USP7: variants seen among roughly 807,000 people sequenced by gnomAD.
The protein encoded by USP7 is ubiquitin C-terminal hydrolase 7.
In USP7, 9 loss-of-function variants were observed where a neutral mutation model predicts 162.9. The ratio of observed to expected loss-of-function variants is 0.06; its 90% confidence interval spans 0.03 to 0.10. The LOEUF (loss-of-function observed/expected upper bound fraction) is 0.10, where lower values mean the gene tolerates loss of function less well. USP7 is among the 10% of genes least tolerant of loss of function. The pLI, the probability that USP7 is intolerant of heterozygous loss-of-function variation, is 1.00. For missense variants in USP7, 715 were observed against 1,373.7 expected, an observed-to-expected ratio of 0.52 and a Z score of 7.58; for synonymous variants, 562 against 475.9, an observed-to-expected ratio of 1.18 and a Z score of -2.35.
chr16:8,918,809 A>G (rs1458969141), intron 6 of USP7, among the ~76,000 whole-genome samples: 2 of 152,136 alleles, frequency 1.3e-5, no homozygotes, highest in Non-Finnish European at 2.9e-5. Flanking sequence ...ACTCCATCTC[A>G]ATAAAGAAAA....
intron 1 of USP7, among the ~76,000 whole-genome samples, chr16:8,960,087 T>G (rs1899953197): frequency 6.6e-6 from 1 of 152,210 alleles, no homozygotes; most frequent in Admixed American, 6.5e-5. Flanking sequence ...CAGAGACCCA[T>G]GCAAGTCACT....
At chr16:8,952,905 C>G (rs183749121) in intron 1 of USP7, among the ~76,000 whole-genome samples, 1 of 151,878 alleles carries the variant, frequency 6.6e-6, no homozygotes, top group Non-Finnish European at 1.5e-5. Flanking sequence ...GGCGCAATCT[C>G]GGCTCACTGC....
intron 1 of USP7, among the ~76,000 whole-genome samples, chr16:8,957,059 G>C (rs990443429): frequency 5.9e-5 from 9 of 152,156 alleles, no homozygotes; most frequent in Admixed American, 1.3e-4. Context: ...GCTCAGGTTG[G>C]TGTATTTCCC....
At chr16:8,955,331 A>T (rs12923175) in intron 1 of USP7, among the ~76,000 whole-genome samples, 1 of 152,072 alleles carries the variant, frequency 6.6e-6, no homozygotes, top group African/African-American at 2.4e-5. Context: ...TGTGGCCTCG[A>T]CCTCCAAGGT....
chr16:8,922,245 T>G (rs1355269518), intron 3 of USP7, among the ~76,000 whole-genome samples: 1 of 152,216 alleles, frequency 6.6e-6, no homozygotes, highest in Non-Finnish European at 1.5e-5. Flanking sequence ...TCCCAGCACT[T>G]TGGCAGGCCG....
In USP7 at chr16:8,939,989, T is replaced by C. The variant is rs188952909; in HGVS notation, c.80-9592A>G. Among the ~76,000 whole-genome samples the C allele has an allele frequency of 1.8e-3, 278 of 152,248 alleles. 2 individuals carry two copies. Among genetic ancestry groups the C allele is most frequent in the African/African-American group, 6.5e-3 (270 of 41,526 alleles). ...GGCACATGCCTGTAATCCAAGCTAC[T>C]TGGGAGGCTGAGGCACAAGAATTGC... On this transcript the variant is annotated intron_variant, in intron 1 of 30. Transcript: ENST00000344836.
chr16:8,952,388 G>C (rs1474167195), intron 1 of USP7, among the ~76,000 whole-genome samples: 1 of 152,222 alleles, frequency 6.6e-6, no homozygotes, highest in Non-Finnish European at 1.5e-5. Flanking sequence ...GACACACCTT[G>C]TTCTTTCACA....
At position 8,930,309 on chromosome 16, in the gene USP7, C is replaced by G. The variant is rs1221294205; in HGVS notation, c.168G>C (p.Glu56Asp). The G allele has an allele frequency of 6.2e-7, 1 of 1,613,030 alleles. No individual in the cohort carries two copies. The highest frequency in any genetic ancestry group is 1.3e-5 in the African/African-American group (1 of 74,966). ...GGCACTTACCATCCTCCATGTCCTC[C>G]TCCGCGGTGTTGTGTCCATCACTCA... ...VALSDGHNTA[E>D]EDMEDDTSWR... Residue 56 changes from glutamate (E) to aspartate (D), a missense_variant, in exon 2 of 31, where the codon GAG (glutamate) becomes GAC (aspartate). Glu to Asp is a conservative substitution (Grantham distance 45, BLOSUM62 2). Around this residue, in one of 11 missense-constraint regions of USP7, gnomAD observed 137 missense variants for 123.5 expected, o/e 1.11. Coordinates refer to ENST00000344836, the MANE Select transcript of USP7 (RefSeq NM_003470.3).
At position 8,904,680 on chromosome 16, in the gene USP7, C is replaced by T. The variant is rs184500498; in HGVS notation, c.1574-115G>A. On this transcript the variant is annotated intron_variant, in intron 14 of 30. Coordinates refer to ENST00000344836, the MANE Select transcript of USP7 (RefSeq NM_003470.3). ...TCTATTAGGCCGGCGTGGTGGCTTA[C>T]GCCTGTAATCCCAGCACTTTGGGAG... 3.1e-5 allele frequency: 45 copies of T among 1,448,898 alleles called. No individual in the cohort carries two copies. In the East Asian group the frequency reaches 4.6e-4, roughly 15 times the overall value. 89.8% of individuals were successfully genotyped at this position (1,448,898 alleles called of 1,614,324 possible).
intron 1 of USP7, among the ~76,000 whole-genome samples, chr16:8,961,299 C>G (rs1305567432): frequency 6.6e-6 from 1 of 151,936 alleles, no homozygotes; most frequent in African/African-American, 2.4e-5. Flanking sequence ...TCGAGACCAG[C>G]CTGACCAACA....
chr16:8,899,320 T>A, intron 22 of USP7, 132 bp from the exon 23 acceptor site: 1 of 876,712 alleles, frequency 1.1e-6, no homozygotes, highest in East Asian at 2.6e-5. Context: ...TAAACAGGAA[T>A]AAACTATATT....
chr16:8,931,789 A>T (rs1898359222), intron 1 of USP7, among the ~76,000 whole-genome samples: 1 of 152,210 alleles, frequency 6.6e-6, no homozygotes, highest in East Asian at 1.9e-4. Context: ...TTTAGGTTTT[A>T]CCTAGGTTCA....
chr16:8,921,110 C>A, intron 4 of USP7, 47 bp downstream of exon 4: 1 of 1,567,932 alleles, frequency 6.4e-7, no homozygotes, highest in Non-Finnish European at 8.7e-7. Flanking sequence ...AAGGGAACAA[C>A]AAGCAGTAAT....
intron 26 of USP7, among the ~76,000 whole-genome samples, chr16:8,895,987 C>T (rs1176443952): frequency 1.3e-5 from 2 of 151,994 alleles, no homozygotes; most frequent in Non-Finnish European, 2.9e-5. Context: ...CAGGTGCGTG[C>T]CACCACACTG....
rs1797280828 is a variant in USP7, at chr16:8,963,672, G to A, written c.-387C>T. 7.0e-6 allele frequency among the ~76,000 whole-genome samples: 1 copy of A among 143,180 alleles called. No individual in the cohort carries two copies. Among genetic ancestry groups the A allele is most frequent in the Non-Finnish European group, 1.5e-5 (1 of 64,748 alleles). 93.9% of individuals were successfully genotyped at this position (143,180 alleles called of 152,430 possible). A position where few individuals can be genotyped will look rare whatever the true frequency, so the allele number is the denominator to read the frequency against. On this transcript the variant is annotated 5_prime_UTR_variant, in exon 1 of 31. Transcript: ENST00000344836. ...GGCGGAGGGCGGCCGGTCGGGGGCCGCGGAGTCAGCCCCGCCTCGGGCCGG... is the reference window on the plus strand; with the variant it reads ...GGCGGAGGGCGGCCGGTCGGGGGCCACGGAGTCAGCCCCGCCTCGGGCCGG...
In USP7 at chr16:8,917,884, G is replaced by A. The variant is rs187328329; in HGVS notation, c.721-728C>T. 7.2e-5 allele frequency among the ~76,000 whole-genome samples: 11 copies of A among 152,138 alleles called. No individual in the cohort carries two copies. In the South Asian group the frequency reaches 1.5e-3, roughly 20 times the overall value. On this transcript the variant is annotated intron_variant, in intron 6 of 30. Coordinates refer to ENST00000344836, the MANE Select transcript of USP7 (RefSeq NM_003470.3). Reference sequence around the variant, plus strand: ...GGCTCACTGCAATCTCCGCCTCCCAGGTCCACGCCATTCTCCTGCCTCAGC... The same window carrying A: ...GGCTCACTGCAATCTCCGCCTCCCAAGTCCACGCCATTCTCCTGCCTCAGC...
At chr16:8,904,787 AAAAAATAAAAT>A (rs1006291816) in intron 14 of USP7, among the ~76,000 whole-genome samples, 14 of 151,490 alleles carry the variant, frequency 9.2e-5, no homozygotes, top group African/African-American at 2.4e-4. Context: ...CTACTAAAAA[AAAAAATAAAAT>A]AAAAATAAAA....
intron 1 of USP7, among the ~76,000 whole-genome samples, chr16:8,949,938 T>C (rs1443907286): frequency 1.3e-5 from 2 of 152,194 alleles, no homozygotes; most frequent in Non-Finnish European, 2.9e-5. Flanking sequence ...ACGGTTGCTA[T>C]CCCCTAGAAT....
intron 2 of USP7, among the ~76,000 whole-genome samples, chr16:8,927,534 C>G (rs375194813): frequency 6.6e-6 from 1 of 152,136 alleles, no homozygotes; most frequent in Non-Finnish European, 1.5e-5. Context: ...TCTAGATCTT[C>G]AGAGGCCGTA....
Sources: gnomAD v4.1 joint callset for allele counts (sites outside exome capture counted in the v4.1 genomes callset) on GRCh38, gnomAD v4.1.1 for gene constraint, gnomAD v4.1.1 regional missense constraint, MANE v1.5 for transcripts, NCBI Gene and HGNC (gene_info 2026-07-23, HGNC 2026-07-21) for gene names.